Variants in RTN4RL1 observed in about 807,000 individuals in gnomAD.
The protein encoded by RTN4RL1 is reticulon-4 receptor-like 1.
Under a neutral mutation model 25.6 loss-of-function variants are expected in RTN4RL1, and 7 were observed. The ratio of observed to expected loss-of-function variants is 0.27; its 90% CI spans 0.16 to 0.51. The LOEUF (loss-of-function observed/expected upper bound fraction) is 0.51. RTN4RL1 is among the 20% of genes least tolerant of loss of function. The probability of loss-of-function intolerance (pLI) is 0.97; values close to 1 mark genes in which losing one functional copy is unlikely to be tolerated. For missense variants in RTN4RL1, 500 were observed against 615.6 expected, an observed-to-expected ratio of 0.81 and a Z score of 1.99; for synonymous variants, 297 against 288.2, an observed-to-expected ratio of 1.03 and a Z score of -0.31.
chr17:1,980,868 G>C (rs1267346782), intron 1 of RTN4RL1, among the ~76,000 whole-genome samples: 1 of 142,816 alleles, frequency 7.0e-6, no homozygotes, highest in African/African-American at 2.6e-5. Flanking sequence ...GTGGCAGTGC[G>C]GTGTGCGGAG....
chr17:1,967,749 C>T (rs1326964273), intron 1 of RTN4RL1, among the ~76,000 whole-genome samples: 1 of 152,148 alleles, frequency 6.6e-6, no homozygotes, highest in Non-Finnish European at 1.5e-5. Context: ...AAGCGATTCT[C>T]CTGCCTCAGC....
chr17:1,950,921 T>C (rs1234462330), intron 1 of RTN4RL1, among the ~76,000 whole-genome samples: 1 of 150,146 alleles, frequency 6.7e-6, no homozygotes, highest in Non-Finnish European at 1.5e-5. Flanking sequence ...TCTGTCTCTC[T>C]TTCTCTGTGT....
intron 1 of RTN4RL1, among the ~76,000 whole-genome samples, chr17:1,948,028 C>A (rs1426444511): frequency 6.6e-6 from 1 of 152,214 alleles, no homozygotes; most frequent in East Asian, 1.9e-4. Flanking sequence ...CTGCTTAGGG[C>A]TCTCCCAACC....
chr17:1,944,544 C>T (rs895393811), intron 1 of RTN4RL1, among the ~76,000 whole-genome samples: 5 of 152,274 alleles, frequency 3.3e-5, no homozygotes, highest in African/African-American at 1.2e-4. Context: ...CAACTTCCAA[C>T]CTCCTGAGTT....
chr17:1,936,160 C>T lies in RTN4RL1; in HGVS notation c.*336G>A, dbSNP rs780454636. The T allele has an allele frequency of 6.2e-6, 7 of 1,123,370 alleles. No individual in the cohort carries two copies. In the East Asian group the frequency reaches 1.7e-4, roughly 27 times the overall value. The allele number at this position is 1,123,370 out of a possible 1,614,324, so 69.6% of individuals were successfully genotyped here. On this transcript the variant is annotated 3_prime_UTR_variant, in exon 2 of 2. Coordinates refer to ENST00000331238, the MANE Select transcript of RTN4RL1 (RefSeq NM_178568.4). ...TCGGAACGATCGGGATTCCACAGAG[C>T]CCCGGTGCCGCCGTCGGGGGCAATT...
chr17:1,991,775 T>C (rs975316038), intron 1 of RTN4RL1, among the ~76,000 whole-genome samples: 4 of 152,186 alleles, frequency 2.6e-5, no homozygotes, highest in African/African-American at 9.6e-5. Flanking sequence ...ATCTACCCAG[T>C]GGATCCCCTC....
At position 1,937,014 on chromosome 17, in the gene RTN4RL1, G is replaced by A; in HGVS notation, c.808C>T (p.Leu270=). Residue 270 remains leucine, a synonymous_variant, in exon 2 of 2, where the codon CTG becomes TTG. Coordinates refer to ENST00000331238, the MANE Select transcript of RTN4RL1 (RefSeq NM_178568.4). ...GAGCTGGAGCCCCGGAACCTCTGCA[G>A]CCATTCCCACAGGGAGCGCGCGCGA... ...GCRARSLWEW[L]QRFRGSSSAV... is the part of the protein sequence containing the mutation. The A allele has an allele frequency of 6.2e-7, 1 of 1,604,850 alleles. No individual in the cohort carries two copies. The highest frequency in any genetic ancestry group is 8.5e-7 in the Non-Finnish European group (1 of 1,178,286).
intron 1 of RTN4RL1, among the ~76,000 whole-genome samples, chr17:1,974,957 C>T (rs1400430815): frequency 1.3e-5 from 2 of 152,236 alleles, no homozygotes; most frequent in Non-Finnish European, 2.9e-5. Flanking sequence ...CTCAGCCTCA[C>T]TCGCTGCTAA....
Position 1,971,918 on chromosome 17 carries a change from C to T in RTN4RL1, c.14-34110G>A, listed in dbSNP as rs1292451148. 5.7e-5 allele frequency among the ~76,000 whole-genome samples: 8 copies of T among 141,310 alleles called. No individual in the cohort carries two copies. In the South Asian group the frequency reaches 1.1e-3, roughly 20 times the overall value. The allele number at this position is 141,310 out of a possible 152,430, so 92.7% of individuals were successfully genotyped here. A position where few individuals can be genotyped will look rare whatever the true frequency, so the allele number is the denominator to read the frequency against. ...CGGAGCTTGCAGTGAGCCGAGATTG[C>T]GCCACTGCACTCCAGCCTGGGCGAC... On this transcript the variant is annotated intron_variant, in intron 1 of 1. Transcript: ENST00000331238.
chr17:1,961,797 A>AAAAAAAAAAAAC (rs2066763290), intron 1 of RTN4RL1, among the ~76,000 whole-genome samples: 2 of 141,630 alleles, frequency 1.4e-5, no homozygotes, highest in African/African-American at 2.6e-5. Context: ...AAAAAAAAAA[A>AAAAAAAAAAAAC]ATTAGCAGGG....
chr17:1,957,905 C>T (rs1915823297), intron 1 of RTN4RL1, among the ~76,000 whole-genome samples: 1 of 147,058 alleles, frequency 6.8e-6, no homozygotes, highest in African/African-American at 2.5e-5. Flanking sequence ...TGGTGGGTTG[C>T]AGCACTCACA....
rs796751126 is a variant in RTN4RL1 at position 1,948,732 on chromosome 17, C to T, written c.14-10924G>A. 8.6e-5 allele frequency among the ~76,000 whole-genome samples: 13 copies of T among 151,384 alleles called. No individual in the cohort carries two copies. The East Asian group carries it at 2.5e-3, about 30-fold the overall frequency. On this transcript the variant is annotated intron_variant, in intron 1 of 1. Transcript: ENST00000331238. ...CGGTGGCAAATGTCTGTTTGTGATG[C>T]CTGCCTGGGGGTCCAGGAGGGGTGT...
At chr17:2,022,099 G>A (rs898946379) in intron 1 of RTN4RL1, among the ~76,000 whole-genome samples, 4 of 151,476 alleles carry the variant, frequency 2.6e-5, no homozygotes, top group Non-Finnish European at 5.9e-5. Context: ...CAGATCACTT[G>A]AGACCAGGAG....
At chr17:1,997,904 G>T (rs566762993) in intron 1 of RTN4RL1, among the ~76,000 whole-genome samples, 1 of 152,236 alleles carries the variant, frequency 6.6e-6, no homozygotes, top group African/African-American at 2.4e-5. Context: ...AGGGCAGGCC[G>T]GCAGGGGCCG....
At chr17:2,002,334 C>T (rs182233980) in intron 1 of RTN4RL1, among the ~76,000 whole-genome samples, 2,205 of 149,760 alleles carry the variant, frequency 0.015, 60 homozygotes, top group African/African-American at 0.051. Flanking sequence ...GCTCTGTCGC[C>T]CAGGCTGGAG....
intron 1 of RTN4RL1, among the ~76,000 whole-genome samples, chr17:1,988,877 C>A (rs2066898291): frequency 6.7e-6 from 1 of 149,840 alleles, no homozygotes; most frequent in Non-Finnish European, 1.5e-5. Flanking sequence ...AGAAAATAGT[C>A]AGCATGAGCG....
intron 1 of RTN4RL1, among the ~76,000 whole-genome samples, chr17:1,973,347 T>C (rs2066828637): frequency 1.4e-5 from 2 of 138,108 alleles, no homozygotes; most frequent in African/African-American, 2.8e-5. Flanking sequence ...GCCTGGGCAA[T>C]AGTGTGAGAC....
chr17:2,023,502 G>A (rs982591178), intron 1 of RTN4RL1: 12 of 152,250 alleles, frequency 7.9e-5, no homozygotes, highest in African/African-American at 2.9e-4. Context: ...AGGACGACGG[G>A]GCAACTCAGC....
chr17:2,005,891 G>A (rs2151324243), intron 1 of RTN4RL1, among the ~76,000 whole-genome samples: 1 of 150,926 alleles, frequency 6.6e-6, no homozygotes, highest in African/African-American at 2.4e-5. Flanking sequence ...CCGCCACCCG[G>A]GTTCCAGCGA....
Sources: allele counts gnomAD v4.1 joint callset (sites outside exome capture counted in the v4.1 genomes callset), GRCh38; gene constraint gnomAD v4.1.1; transcripts MANE v1.5; gene names NCBI Gene and HGNC (gene_info 2026-07-23, HGNC 2026-07-21).